Variants in DGKI observed in about 807,000 individuals in gnomAD.
DGKI encodes DAG kinase iota.
Under a neutral mutation model 147.5 loss-of-function variants are expected in DGKI, and 55 were observed. The ratio of observed to expected loss-of-function variants is 0.37; its 90% CI spans 0.30 to 0.47. The LOEUF is 0.47. Among genes scored for constraint, DGKI ranks in the 20% least tolerant of loss-of-function variants. DGKI has a pLI of 1.00. For synonymous variants in DGKI, 469 were observed against 477.1 expected (o/e 0.98, Z 0.22); for missense variants, 1,007 against 1,323.8 (o/e 0.76, Z 3.71).
chr7:137,626,721 G>A (rs1409694931), intron 6 of DGKI, among the ~76,000 whole-genome samples: 1 of 152,164 alleles, frequency 6.6e-6, no homozygotes, highest in Admixed American at 6.5e-5. Context: ...TGAGACCCGA[G>A]TGCCTCTGTC....
intron 4 of DGKI, among the ~76,000 whole-genome samples, chr7:137,655,072 TAAGA>T (rs1413922117): frequency 6.6e-6 from 1 of 152,108 alleles, no homozygotes; most frequent in Admixed American, 6.6e-5. Context: ...GAAACTGAGA[TAAGA>T]AAGAGCCAGA....
chr7:137,559,279 G>A (rs1028222156), intron 19 of DGKI, among the ~76,000 whole-genome samples: 2 of 150,852 alleles, frequency 1.3e-5, no homozygotes, highest in African/African-American at 4.9e-5. Flanking sequence ...CACCGTTATA[G>A]CCGGGATGGT....
chr7:137,586,965 A>T (rs1288804192), intron 13 of DGKI, 132 bp downstream of exon 13: 4 of 606,504 alleles, frequency 6.6e-6, no homozygotes, highest in Non-Finnish European at 1.1e-5. Flanking sequence ...GCTCAAGGGC[A>T]CTTTGATTCT....
chr7:137,525,050 C>T (rs932657838), intron 20 of DGKI, among the ~76,000 whole-genome samples: 1 of 152,110 alleles, frequency 6.6e-6, no homozygotes, highest in Admixed American at 6.6e-5. Context: ...TCTCCTGAAC[C>T]TCTGGCCACC....
chr7:137,564,568 C>A (rs373346535), intron 19 of DGKI, among the ~76,000 whole-genome samples: 7 of 138,464 alleles, frequency 5.1e-5, no homozygotes, highest in Non-Finnish European at 1.0e-4. Flanking sequence ...CATTTGACTT[C>A]TTTTAAAAAA....
At chr7:137,413,434 C>A (rs987483059) in intron 28 of DGKI, among the ~76,000 whole-genome samples, 1 of 152,118 alleles carries the variant, frequency 6.6e-6, no homozygotes, top group Non-Finnish European at 1.5e-5. Context: ...CTTTGTCCCC[C>A]TCCCTGTCTC....
chr7:137,777,388 T>G (rs1796393971), intron 1 of DGKI, among the ~76,000 whole-genome samples: 1 of 152,048 alleles, frequency 6.6e-6, no homozygotes, highest in African/African-American at 2.4e-5. Flanking sequence ...CCTATATGAT[T>G]ATGTAGCAGT....
intron 4 of DGKI, among the ~76,000 whole-genome samples, chr7:137,656,155 G>A (rs1822212472): frequency 6.6e-6 from 1 of 152,218 alleles, no homozygotes; most frequent in Admixed American, 6.5e-5. Flanking sequence ...AACAGCCTAT[G>A]GGTGGATAGT....
At chr7:137,737,204 CAAAAAAAAA>C (rs763572711) in intron 1 of DGKI, among the ~76,000 whole-genome samples, 84 of 83,502 alleles carry the variant, frequency 1.0e-3, no homozygotes, top group African/African-American at 3.1e-3. Context: ...CTCATTTCAC[CAAAAAAAAA>C]AAAAAAAAAA....
At chr7:137,647,632 C>G (rs1208623955) in intron 5 of DGKI, among the ~76,000 whole-genome samples, 1 of 152,180 alleles carries the variant, frequency 6.6e-6, no homozygotes, top group East Asian at 1.9e-4. Context: ...GCCCAGTTAT[C>G]AGTATCTATC....
chr7:137,405,389 C>A (rs1811905987), intron 30 of DGKI, among the ~76,000 whole-genome samples: 1 of 152,140 alleles, frequency 6.6e-6, no homozygotes, highest in Non-Finnish European at 1.5e-5. Flanking sequence ...ACTATGGGCC[C>A]ACCATGCCCG....
intron 8 of DGKI, among the ~76,000 whole-genome samples, chr7:137,612,221 CTTTTTTT>C (rs551204704): frequency 8.8e-6 from 1 of 113,958 alleles, no homozygotes; most frequent in Non-Finnish European, 1.8e-5. Context: ...ACAAAACGGG[CTTTTTTT>C]TTTTTTTTTT....
Position 137,489,292 on chromosome 7 carries a change from T to C in DGKI, c.2249-1603A>G, listed in dbSNP as rs559479932. 3.3e-5 allele frequency among the ~76,000 whole-genome samples: 5 copies of C among 152,268 alleles called. No homozygotes were observed. The South Asian group carries it at 8.3e-4, about 25-fold the overall frequency. Reference sequence around the variant, plus strand: ...GTTTGGATGCAAAAGAGAAAGTCTGTCTTTCAGGTGCAAGTCACCTGTCCA... The same window carrying C: ...GTTTGGATGCAAAAGAGAAAGTCTGCCTTTCAGGTGCAAGTCACCTGTCCA... On this transcript the variant is annotated intron_variant, in intron 21 of 32. Transcript: ENST00000614521.
intron 1 of DGKI, among the ~76,000 whole-genome samples, chr7:137,767,532 GTA>G (rs1796055220): frequency 8.2e-5 from 11 of 134,786 alleles, no homozygotes; most frequent in East Asian, 2.3e-4. Context: ...GAAGAGAAGA[GTA>G]GAGTAGGAGG....
At chr7:137,431,248 CTT>C (rs5887839) in intron 28 of DGKI, among the ~76,000 whole-genome samples, 75 of 146,044 alleles carry the variant, frequency 5.1e-4, no homozygotes, top group Middle Eastern at 3.6e-3. Flanking sequence ...TATAAAATAC[CTT>C]TTTTTTTTTT....
At chr7:137,528,630 G>T (rs1817232122) in intron 20 of DGKI, among the ~76,000 whole-genome samples, 1 of 152,152 alleles carries the variant, frequency 6.6e-6, no homozygotes, top group Non-Finnish European at 1.5e-5. Flanking sequence ...TATTCTTCCA[G>T]CCCTTCTTAT....
intron 6 of DGKI, among the ~76,000 whole-genome samples, chr7:137,638,812 T>C (rs1821516060): frequency 6.6e-6 from 1 of 151,284 alleles, no homozygotes. Context: ...ATTTTTATAA[T>C]TTCTCAGTTT....
chr7:137,815,192 C>G (rs556234079), intron 1 of DGKI, among the ~76,000 whole-genome samples: 1 of 152,124 alleles, frequency 6.6e-6, no homozygotes, highest in Non-Finnish European at 1.5e-5. Context: ...ATTCATCCCC[C>G]CTCCTTCGTC....
chr7:137,485,726 T>G (rs1263425016), intron 22 of DGKI, among the ~76,000 whole-genome samples: 1 of 152,098 alleles, frequency 6.6e-6, no homozygotes, highest in African/African-American at 2.4e-5. Flanking sequence ...ACAGGCAATT[T>G]TGTTCTGATA....
Sources: gnomAD v4.1 joint callset for allele counts (sites outside exome capture counted in the v4.1 genomes callset) on GRCh38, gnomAD v4.1.1 for gene constraint, MANE v1.5 for transcripts, NCBI Gene and HGNC (gene_info 2026-07-23, HGNC 2026-07-21) for gene names.